VOPP1: variants seen among roughly 807,000 people sequenced by gnomAD.
VOPP1 encodes WW domain binding protein VOPP1.
A neutral mutation model predicts 23.5 loss-of-function variants in VOPP1; 8 were observed. That is an observed-to-expected ratio of 0.34 (90% CI 0.20 to 0.61). VOPP1 has a LOEUF of 0.61. Ranked by LOEUF, VOPP1 falls within the 20% of genes least tolerant of loss-of-function variation. The pLI, the probability that VOPP1 is intolerant of heterozygous loss-of-function variation, is 0.78. For synonymous variants in VOPP1, 83 were observed against 97.3 expected (o/e 0.85, Z 0.86); for missense variants, 174 against 238.1 (o/e 0.73, Z 1.77).
At chr7:55,495,495 TA>T (rs1793888783) in intron 3 of VOPP1, among the ~76,000 whole-genome samples, 1 of 152,216 alleles carries the variant, frequency 6.6e-6, no homozygotes, top group Admixed American at 6.5e-5. Context: ...CCACTCTTCT[TA>T]CACTCTGGCC....
At chr7:55,558,404 C>T (rs1264114332) in intron 1 of VOPP1, among the ~76,000 whole-genome samples, 1 of 152,070 alleles carries the variant, frequency 6.6e-6, no homozygotes, top group East Asian at 1.9e-4. Context: ...AAAGAATATC[C>T]TTCATATTTT....
chr7:55,482,918 CTGA>C (rs1792850036), intron 4 of VOPP1, among the ~76,000 whole-genome samples: 1 of 152,140 alleles, frequency 6.6e-6, no homozygotes. Flanking sequence ...CTTGCTGCTG[CTGA>C]TTTTTTAAAA....
chr7:55,542,049 G>C (rs1254580330), intron 1 of VOPP1, among the ~76,000 whole-genome samples: 1 of 152,192 alleles, frequency 6.6e-6, no homozygotes, highest in Non-Finnish European at 1.5e-5. Context: ...AGATGGGCGA[G>C]ATGATGGCAT....
At chr7:55,565,689 CAT>C (rs1322049225) in intron 1 of VOPP1, among the ~76,000 whole-genome samples, 1 of 152,222 alleles carries the variant, frequency 6.6e-6, no homozygotes, top group Non-Finnish European at 1.5e-5. Flanking sequence ...AGCAGCAGCA[CAT>C]GTTAAAAAGA....
At chr7:55,469,446 CT>C (rs1207426517), downstream of VOPP1, among the ~76,000 whole-genome samples, 2 of 152,156 alleles carry the variant, frequency 1.3e-5, no homozygotes, top group African/African-American at 4.8e-5. Flanking sequence ...TTGCAGCTGC[CT>C]TTTAAAGGTG....
At chr7:55,572,098 C>T (rs1798383726) in intron 1 of VOPP1, among the ~76,000 whole-genome samples, 173 bp downstream of exon 1, 1 of 151,954 alleles carries the variant, frequency 6.6e-6, no homozygotes, top group Admixed American at 6.5e-5. Flanking sequence ...GCCTCCCCGT[C>T]ACCAGGGTCC....
chr7:55,548,908 C>T (rs1797479716), intron 1 of VOPP1, among the ~76,000 whole-genome samples: 1 of 152,214 alleles, frequency 6.6e-6, no homozygotes, highest in Admixed American at 6.5e-5. Flanking sequence ...CAACAAAATC[C>T]ACCCTGGGGG....
At chr7:55,551,898 C>T (rs1429712914) in intron 1 of VOPP1, among the ~76,000 whole-genome samples, 1 of 151,840 alleles carries the variant, frequency 6.6e-6, no homozygotes, top group African/African-American at 2.4e-5. Flanking sequence ...AAATTAGCCA[C>T]ACATGGTGGC....
rs1792637012 is a variant in VOPP1 at position 55,480,671 on chromosome 7, T to C, written c.329-7626A>G. 2.0e-5 allele frequency among the ~76,000 whole-genome samples: 3 copies of C among 152,252 alleles called. No homozygotes were observed. The South Asian group carries it at 6.2e-4, about 31-fold the overall frequency. ...TGAGCCTCTTTTGAGGAGAGCTCAG[T>C]TCATTTGCTTTTTCATAAACTTTTA... On this transcript the variant is annotated intron_variant, in intron 4 of 4. Coordinates refer to ENST00000285279, the MANE Select transcript of VOPP1 (RefSeq NM_030796.5).
intron 4 of VOPP1, among the ~76,000 whole-genome samples, chr7:55,444,933 T>C (rs1392978811): frequency 6.6e-6 from 1 of 152,222 alleles, no homozygotes; most frequent in Non-Finnish European, 1.5e-5. Flanking sequence ...CAAACCAGCC[T>C]GACTGCTTTA....
At position 55,497,564 on chromosome 7, in the gene VOPP1, G is replaced by C. The variant is rs774138253; in HGVS notation, c.191+49C>G. On this transcript the variant is annotated intron_variant, in intron 3 of 4. Coordinates refer to ENST00000285279, the MANE Select transcript of VOPP1 (RefSeq NM_030796.5). ...CTGTGACAACACTGATGGGGGGGGG[G>C]GGGGGGCAGAGCTCTCGGGGTAGGG... is the stretch of plus-strand genomic sequence containing the variant. The C allele has an allele frequency of 1.8e-5, 26 of 1,415,528 alleles. No homozygotes were observed. In the Admixed American group the frequency reaches 2.1e-4, roughly 11 times the overall value. The allele number at this position is 1,415,528 out of a possible 1,614,324, so 87.7% of individuals were successfully genotyped here. A position where few individuals can be genotyped will look rare whatever the true frequency, so the allele number is the denominator to read the frequency against.
chr7:55,545,598 G>T (rs1797332455), intron 1 of VOPP1, among the ~76,000 whole-genome samples: 1 of 152,190 alleles, frequency 6.6e-6, no homozygotes, highest in African/African-American at 2.4e-5. Flanking sequence ...AAATAACACA[G>T]GCGTGACTGC....
intron 1 of VOPP1, among the ~76,000 whole-genome samples, chr7:55,525,421 G>T (rs1353727854): frequency 6.6e-6 from 1 of 151,634 alleles, no homozygotes; most frequent in East Asian, 1.9e-4. Context: ...CTCGGGAGGC[G>T]GAGCTTGCAG....
intron 4 of VOPP1, among the ~76,000 whole-genome samples, chr7:55,489,830 T>C (rs1484922652): frequency 2.6e-5 from 4 of 151,952 alleles, no homozygotes; most frequent in Non-Finnish European, 5.9e-5. Context: ...CACAGCCCCG[T>C]GGGGAGCCCA....
At chr7:55,515,698 C>A (rs912546931) in intron 2 of VOPP1, among the ~76,000 whole-genome samples, 1 of 152,190 alleles carries the variant, frequency 6.6e-6, no homozygotes, top group African/African-American at 2.4e-5. Context: ...CCCCTCTGTG[C>A]CACAGGAGCA....
intron 4 of VOPP1, among the ~76,000 whole-genome samples, chr7:55,437,533 T>C (rs914087136): frequency 3.3e-5 from 5 of 152,236 alleles, no homozygotes; most frequent in African/African-American, 4.8e-5. Context: ...CTTTGTATGA[T>C]TGTTTTGCAA....
chr7:55,522,877 C>T (rs908267802), intron 1 of VOPP1, among the ~76,000 whole-genome samples: 7 of 152,238 alleles, frequency 4.6e-5, no homozygotes, highest in African/African-American at 1.7e-4. Flanking sequence ...AAAGCAGCCA[C>T]TTGATACTCT....
intron 1 of VOPP1, among the ~76,000 whole-genome samples, chr7:55,555,659 C>T (rs1287239019): frequency 6.6e-6 from 1 of 152,312 alleles, no homozygotes; most frequent in East Asian, 1.9e-4. Flanking sequence ...ATGGGCTCCT[C>T]TTCATTTCGC....
chr7:55,486,551 A>G (rs988841068), intron 4 of VOPP1, among the ~76,000 whole-genome samples: 8 of 152,276 alleles, frequency 5.3e-5, no homozygotes, highest in Admixed American at 3.3e-4. Flanking sequence ...GTGGAAACAC[A>G]TTCCTGCTGG....
Sources: gnomAD v4.1 joint callset for allele counts (sites outside exome capture counted in the v4.1 genomes callset) on GRCh38, gnomAD v4.1.1 for gene constraint, MANE v1.5 for transcripts, NCBI Gene and HGNC (gene_info 2026-07-23, HGNC 2026-07-21) for gene names.